Variants in WDR59 observed in about 807,000 individuals in gnomAD.
The protein encoded by WDR59 is WD repeat domain 59, also known as GATOR2 complex protein WDR59.
In WDR59, 100 loss-of-function variants were observed where a neutral mutation model predicts 131.2. That is an observed-to-expected ratio of 0.76 (90% CI 0.65 to 0.90). The LOEUF (loss-of-function observed/expected upper bound fraction) is 0.90. WDR59 is among the 40% of genes least tolerant of loss of function. The pLI is 0.00. For missense variants in WDR59, 1,203 were observed against 1,262.2 expected, an observed-to-expected ratio of 0.95 and a Z score of 0.71; for synonymous variants, 601 against 466.2, an observed-to-expected ratio of 1.29 and a Z score of -3.72.
At chr16:74,879,393 A>G (rs1330636996) in intron 25 of WDR59, among the ~76,000 whole-genome samples, 2 of 152,162 alleles carry the variant, frequency 1.3e-5, no homozygotes, top group African/African-American at 4.8e-5. Flanking sequence ...ATAAGCTGAC[A>G]GCATTACCAC....
intron 1 of WDR59, among the ~76,000 whole-genome samples, chr16:74,970,097 G>A (rs541732019): frequency 1.3e-5 from 2 of 152,196 alleles, no homozygotes; most frequent in South Asian, 4.1e-4. Context: ...CTAATTTTTT[G>A]TATTTTTGGT....
chr16:74,930,874 C>G (rs999378426), intron 8 of WDR59: 7 of 104,918 alleles, frequency 6.7e-5, no homozygotes, highest in African/African-American at 2.7e-4. Context: ...GCCTGGATGA[C>G]AGAGAGAGAC....
chr16:74,946,923 A>G (rs1263958091), intron 6 of WDR59, among the ~76,000 whole-genome samples: 2 of 135,460 alleles, frequency 1.5e-5, no homozygotes, highest in African/African-American at 4.9e-5. Flanking sequence ...AAACGGACAG[A>G]ATTTAAGAGA....
intron 3 of WDR59, among the ~76,000 whole-genome samples, chr16:74,955,123 T>G (rs2033218654): frequency 6.6e-6 from 1 of 152,206 alleles, no homozygotes; most frequent in African/African-American, 2.4e-5. Flanking sequence ...GGAACAAATT[T>G]TAAAAAGGCT....
At chr16:74,907,163 G>A (rs111969587) in intron 17 of WDR59, among the ~76,000 whole-genome samples, 1 of 152,156 alleles carries the variant, frequency 6.6e-6, no homozygotes, top group Non-Finnish European at 1.5e-5. Flanking sequence ...TGCAGAGATT[G>A]GCCACCTCTT....
intron 1 of WDR59, among the ~76,000 whole-genome samples, chr16:74,977,414 C>T (rs533724945): frequency 1.7e-4 from 26 of 152,184 alleles, no homozygotes; most frequent in South Asian, 1.5e-3. Context: ...TGCAGCCGGG[C>T]GCGGTGGCTC....
chr16:74,910,449 G>T (rs899670131), intron 14 of WDR59, among the ~76,000 whole-genome samples: 12 of 152,138 alleles, frequency 7.9e-5, no homozygotes, highest in African/African-American at 2.9e-4. Flanking sequence ...GGCAGCACAC[G>T]TGGATTTTGA....
intron 17 of WDR59, among the ~76,000 whole-genome samples, chr16:74,905,545 G>A (rs1488844670): frequency 2.0e-5 from 3 of 151,632 alleles, no homozygotes; most frequent in Non-Finnish European, 2.9e-5. Context: ...AGCCAGGCGT[G>A]GTGGCGGGCG....
intron 25 of WDR59, among the ~76,000 whole-genome samples, chr16:74,884,603 C>G (rs1964666468): frequency 6.6e-6 from 1 of 152,234 alleles, no homozygotes; most frequent in South Asian, 2.1e-4. Context: ...CTGACTTGGC[C>G]TCCCAAAGTG....
intron 8 of WDR59, among the ~76,000 whole-genome samples, chr16:74,928,420 T>C (rs1456333116): frequency 2.6e-5 from 4 of 151,144 alleles, no homozygotes; most frequent in Non-Finnish European, 5.9e-5. Flanking sequence ...GGTCTCCCTA[T>C]GTTGCGCAGG....
intron 25 of WDR59, among the ~76,000 whole-genome samples, chr16:74,883,253 G>A (rs1047022315): frequency 6.6e-6 from 1 of 151,872 alleles, no homozygotes; most frequent in Non-Finnish European, 1.5e-5. Flanking sequence ...TCAATCTCCT[G>A]ACCTCATGAT....
chr16:74,885,926 C>T (rs987720729), intron 24 of WDR59, 131 bp from the exon 25 acceptor site: 4 of 1,164,512 alleles, frequency 3.4e-6, no homozygotes, highest in Admixed American at 2.8e-5. Context: ...CTGTCACTCC[C>T]AGCACTTTGG....
intron 11 of WDR59, 36 bp from the exon 12 acceptor site, chr16:74,916,295 G>A (rs1167367382): frequency 6.2e-7 from 1 of 1,612,030 alleles, no homozygotes; most frequent in East Asian, 2.2e-5. Flanking sequence ...TTCTAGAGAA[G>A]TCCGTGGAAA....
At chr16:74,972,272 T>A (rs967493641) in intron 1 of WDR59, among the ~76,000 whole-genome samples, 3 of 152,156 alleles carry the variant, frequency 2.0e-5, no homozygotes, top group Admixed American at 2.0e-4. Context: ...TTTGGAAACG[T>A]CAAGCTAACT....
intron 21 of WDR59, among the ~76,000 whole-genome samples, chr16:74,888,842 G>A (rs1964901195): frequency 6.6e-6 from 1 of 152,300 alleles, no homozygotes. Flanking sequence ...AGAACAACAA[G>A]GAGTGTTTCT....
intron 1 of WDR59, among the ~76,000 whole-genome samples, chr16:74,984,015 G>A (rs747048908): frequency 6.6e-4 from 101 of 152,060 alleles, no homozygotes; most frequent in Middle Eastern, 6.8e-3. Context: ...GGTGGCCCAC[G>A]CCTGTAATCC....
At chr16:74,943,053 A>G (rs926503339) in intron 6 of WDR59, among the ~76,000 whole-genome samples, 1 of 152,178 alleles carries the variant, frequency 6.6e-6, no homozygotes, top group Non-Finnish European at 1.5e-5. Context: ...AAATAATCTC[A>G]GGGGAAAAAA....
At chr16:74,889,263 C>T (rs1342740706) in intron 21 of WDR59, among the ~76,000 whole-genome samples, 1 of 152,172 alleles carries the variant, frequency 6.6e-6, no homozygotes, top group Non-Finnish European at 1.5e-5. Flanking sequence ...AAACTGAACG[C>T]AAAGGCAATG....
At chr16:74,948,404 A>G (rs1420031762) in intron 6 of WDR59, 115 bp downstream of exon 6, 1 of 990,580 alleles carries the variant, frequency 1.0e-6, no homozygotes, top group Non-Finnish European at 1.6e-6. Flanking sequence ...CAGCCCAGAC[A>G]GAGGCAGTTA....
Sources: gnomAD v4.1 joint callset for allele counts (sites outside exome capture counted in the v4.1 genomes callset) on GRCh38, gnomAD v4.1.1 for gene constraint, MANE v1.5 for transcripts, NCBI Gene and HGNC (gene_info 2026-07-23, HGNC 2026-07-21) for gene names.